FKTN: variants seen among roughly 807,000 people sequenced by gnomAD.
FKTN encodes ribitol-5-phosphate transferase FKTN.
In FKTN, 47 loss-of-function variants were observed where a neutral mutation model predicts 58.6. The ratio of observed to expected loss-of-function variants is 0.80; its 90% CI spans 0.63 to 1.02. FKTN has a LOEUF of 1.02. Ranked by LOEUF, FKTN falls within the 50% of genes least tolerant of loss-of-function variation. FKTN has a pLI of 0.00. For synonymous variants in FKTN, 178 were observed against 191.9 expected, an observed-to-expected ratio of 0.93 and a Z score of 0.60; for missense variants, 516 against 537.3, an observed-to-expected ratio of 0.96 and a Z score of 0.39.
At chr9:105,610,866 T>C (rs1322231661) in intron 7 of FKTN, among the ~76,000 whole-genome samples, 1 of 152,088 alleles carries the variant, frequency 6.6e-6, no homozygotes, top group Non-Finnish European at 1.5e-5. Context: ...GGAGACTTTA[T>C]TTACTTTTAA....
intron 1 of FKTN, among the ~76,000 whole-genome samples, chr9:105,561,219 A>C (rs888131500): frequency 7.2e-5 from 11 of 152,060 alleles, no homozygotes; most frequent in African/African-American, 2.7e-4. Flanking sequence ...GGCAGCAGTG[A>C]GCTATGATTG....
chr9:105,635,106 C>A lies in FKTN; in HGVS notation c.1228C>A (p.His410Asn), dbSNP rs146272618. Residue 410 changes from histidine (H) to asparagine (N), a missense_variant, in exon 11 of 11, where the codon CAT becomes AAT. By Grantham distance (68) the His-to-Asn change is moderately conservative. Coordinates refer to ENST00000357998, the MANE Select transcript of FKTN (RefSeq NM_001079802.2). ...GACTGAGTTTGTAGACATGAAGGTC[C>A]ATGTACCCTGTGAAACCCTCGAATA... is the stretch of plus-strand genomic sequence containing the variant. ...CWTEFVDMKV[H>N]VPCETLEYIE... The A allele has an allele frequency of 1.1e-4, 181 of 1,614,050 alleles. 3 individuals carry two copies. The South Asian group carries it at 1.7e-3, about 15-fold the overall frequency.
chr9:105,603,931 G>A, intron 5 of FKTN: 2 of 402,108 alleles, frequency 5.0e-6, no homozygotes, highest in Non-Finnish European at 9.4e-6. Context: ...GCCTCCCAAA[G>A]CGCTGGGATT....
chr9:105,606,197 G>A (rs1490071877), intron 6 of FKTN, among the ~76,000 whole-genome samples: 1 of 151,952 alleles, frequency 6.6e-6, no homozygotes, highest in Non-Finnish European at 1.5e-5. Context: ...AGAACTACAG[G>A]GAAACTGGAA....
Position 105,639,976 on chromosome 9 carries a change from T to C in FKTN, c.*4712T>C. 1 of 1,507,204 alleles carries C rather than the reference T, an allele frequency of 6.6e-7. No homozygotes were observed. The highest frequency in any genetic ancestry group is 2.5e-5 in the East Asian group (1 of 40,456). The allele number at this position is 1,507,204 out of a possible 1,614,324, so 93.4% of individuals were successfully genotyped here. A position where few individuals can be genotyped will look rare whatever the true frequency, so the allele number is the denominator to read the frequency against. On this transcript the variant is annotated 3_prime_UTR_variant, in exon 11 of 11. Coordinates refer to ENST00000357998, the MANE Select transcript of FKTN (RefSeq NM_001079802.2). ...AGCCATGATTTGGAGAGGGAAGAAA[T>C]CTGGAATACTTAATTTCATTTAATT...
chr9:105,588,467 G>A (rs929093137), intron 3 of FKTN, among the ~76,000 whole-genome samples: 1 of 152,184 alleles, frequency 6.6e-6, no homozygotes, highest in Non-Finnish European at 1.5e-5. Flanking sequence ...ACAGTAATAG[G>A]CTATGAAACA....
At chr9:105,600,990 C>T (rs1827773562) in intron 4 of FKTN, 155 bp from the exon 5 acceptor site, 1 of 596,280 alleles carries the variant, frequency 1.7e-6, no homozygotes, top group South Asian at 2.0e-5. Flanking sequence ...ACCATATGTG[C>T]TATTTAATCA....
chr9:105,600,075 A>C (rs927899900), intron 4 of FKTN, among the ~76,000 whole-genome samples: 1 of 152,026 alleles, frequency 6.6e-6, no homozygotes, highest in Non-Finnish European at 1.5e-5. Context: ...GTGTCATCTA[A>C]GTTGAATTTT....
chr9:105,582,239 T>G (rs1048205620), intron 3 of FKTN, among the ~76,000 whole-genome samples: 3 of 150,826 alleles, frequency 2.0e-5, no homozygotes, highest in African/African-American at 7.3e-5. Flanking sequence ...TCACCCAGGC[T>G]GAAGTACAGT....
At chr9:105,618,205 TATTG>T in intron 9 of FKTN, 113 bp downstream of exon 9, 1 of 893,716 alleles carries the variant, frequency 1.1e-6, no homozygotes, top group Non-Finnish European at 1.8e-6. Context: ...TATCACTCAG[TATTG>T]ACTAGGATGA....
In FKTN at chr9:105,638,122, A is replaced by G; in HGVS notation, c.*2858A>G. 1 of 979,886 alleles carries G rather than the reference A, an allele frequency of 1.0e-6. No individual in the cohort carries two copies. Among genetic ancestry groups the G allele is most frequent in the South Asian group, 4.7e-5 (1 of 21,178 alleles). The allele number at this position is 979,886 out of a possible 1,614,324, so 60.7% of individuals were successfully genotyped here. On this transcript the variant is annotated 3_prime_UTR_variant, in exon 11 of 11. Coordinates refer to ENST00000357998, the MANE Select transcript of FKTN (RefSeq NM_001079802.2). ...ATAACTAAATAAATAATCACAGAAA[A>G]GAATGATCTGAACAAGAACAGCTGA... is the stretch of plus-strand genomic sequence containing the variant.
intron 3 of FKTN, among the ~76,000 whole-genome samples, chr9:105,583,747 C>T (rs1315350966): frequency 6.6e-6 from 1 of 152,064 alleles, no homozygotes; most frequent in Admixed American, 6.6e-5. Flanking sequence ...CTTAGGGCAT[C>T]TGTTTTTTAT....
At chr9:105,580,525 C>G (rs1462235426) in intron 3 of FKTN, among the ~76,000 whole-genome samples, 1 of 117,896 alleles carries the variant, frequency 8.5e-6, no homozygotes, top group African/African-American at 3.3e-5. Context: ...AGGGTTTCTG[C>G]CAAGAGATCC....
At chr9:105,625,151 C>T (rs988673594) in intron 10 of FKTN, among the ~76,000 whole-genome samples, 8 of 151,952 alleles carry the variant, frequency 5.3e-5, no homozygotes, top group African/African-American at 1.7e-4. Flanking sequence ...TTAAAGCCTA[C>T]CAAATGTTAC....
rs917383959 is a variant in FKTN at position 105,629,529 on chromosome 9, G to T, written c.1173-5522G>T. Among the ~76,000 whole-genome samples the T allele has an allele frequency of 2.0e-5, 3 of 152,312 alleles. No homozygotes were observed. In the East Asian group the frequency reaches 5.8e-4, roughly 29 times the overall value. ...GTCTGAAGGAAAGCAAGCACAACTG[G>T]AGTCTAACTGGTTGTTGAAGTGCTA... On this transcript the variant is annotated intron_variant, in intron 10 of 10. Coordinates refer to ENST00000357998, the MANE Select transcript of FKTN (RefSeq NM_001079802.2).
At chr9:105,603,901 C>T (rs1450939972) in intron 5 of FKTN, 4 of 361,608 alleles carry the variant, frequency 1.1e-5, no homozygotes, top group South Asian at 2.5e-5. Flanking sequence ...CTCCTGAGCT[C>T]AAGTGATCCA....
At chr9:105,570,119 G>A (rs1320389893) in intron 1 of FKTN, among the ~76,000 whole-genome samples, 1 of 151,762 alleles carries the variant, frequency 6.6e-6, no homozygotes, top group African/African-American at 2.4e-5. Flanking sequence ...TGAGTTTAAG[G>A]GGCTTTAAAC....
Position 105,639,642 on chromosome 9 carries a change from GAAA to G in FKTN, c.*4386_*4388del, listed in dbSNP as rs148253503. ...AGATTGCATGACTGAATTTGCTTAA[GAAA>G]AAAAAAATTGTATCAAGTCATTAAT... On this transcript the variant is annotated 3_prime_UTR_variant, in exon 11 of 11. Transcript: ENST00000357998. The G allele has an allele frequency of 2.2e-6, 2 of 912,066 alleles. No individual in the cohort carries two copies. The highest frequency in any genetic ancestry group is 5.1e-5 in the South Asian group (1 of 19,750). The allele number at this position is 912,066 out of a possible 1,614,324, so 56.5% of individuals were successfully genotyped here. A position where few individuals can be genotyped will look rare whatever the true frequency, so the allele number is the denominator to read the frequency against.
intron 10 of FKTN, among the ~76,000 whole-genome samples, chr9:105,627,138 A>G (rs1170179362): frequency 6.6e-6 from 1 of 151,690 alleles, no homozygotes; most frequent in African/African-American, 2.4e-5. Context: ...ATACCCAGCT[A>G]TTTTTGTATT....
Sources: allele counts gnomAD v4.1 joint callset (sites outside exome capture counted in the v4.1 genomes callset), GRCh38; gene constraint gnomAD v4.1.1; transcripts MANE v1.5; gene names NCBI Gene and HGNC (gene_info 2026-07-23, HGNC 2026-07-21).